KDM4B: variants seen among roughly 807,000 people sequenced by gnomAD.
KDM4B encodes lysine-specific demethylase 4B.
A neutral mutation model predicts 125.2 loss-of-function variants in KDM4B; 32 were observed. That is an observed-to-expected ratio of 0.26 (90% CI 0.19 to 0.34). The LOEUF (loss-of-function observed/expected upper bound fraction) is 0.34. Ranked by LOEUF, KDM4B falls within the 10% of genes least tolerant of loss-of-function variation. The probability of loss-of-function intolerance (pLI) is 1.00; values close to 1 mark genes in which losing one functional copy is unlikely to be tolerated. For synonymous variants in KDM4B, 721 were observed against 677.9 expected, an observed-to-expected ratio of 1.06 and a Z score of -0.99; for missense variants, 1,190 against 1,577.7, an observed-to-expected ratio of 0.75 and a Z score of 4.16.
At chr19:4,986,528 G>A (rs1233841849) in intron 1 of KDM4B, among the ~76,000 whole-genome samples, 1 of 152,192 alleles carries the variant, frequency 6.6e-6, no homozygotes, top group African/African-American at 2.4e-5. Flanking sequence ...CGGGCACAGA[G>A]GAGGGCTCGG....
intron 1 of KDM4B, among the ~76,000 whole-genome samples, chr19:5,006,367 T>C (rs1004159006): frequency 6.6e-6 from 1 of 152,106 alleles, no homozygotes; most frequent in African/African-American, 2.4e-5. Flanking sequence ...CTCCTCACTG[T>C]CCTTCCTGGC....
At chr19:5,058,046 C>T (rs2037465675) in intron 6 of KDM4B, among the ~76,000 whole-genome samples, 1 of 152,236 alleles carries the variant, frequency 6.6e-6, no homozygotes, top group African/African-American at 2.4e-5. Context: ...CTGCCCACAC[C>T]TCATTGGCCA....
In KDM4B at chr19:4,969,408, T is replaced by G. The variant is rs1217346809; in HGVS notation, c.-109+178T>G. On this transcript the variant is annotated intron_variant, in intron 1 of 22. Transcript: ENST00000159111. ...CGGGCCGGCGGGGCGGTTGGGGCGT[T>G]AACCGCCCGGCCCGGGGGCGCCCGC... is the stretch of plus-strand genomic sequence containing the variant. 2.1e-5 allele frequency among the ~76,000 whole-genome samples: 3 copies of G among 146,140 alleles called. No individual in the cohort carries two copies. The East Asian group carries it at 6.0e-4, about 29-fold the overall frequency.
intron 5 of KDM4B, among the ~76,000 whole-genome samples, chr19:5,045,657 T>C (rs2037002675): frequency 6.6e-6 from 1 of 152,158 alleles, no homozygotes; most frequent in African/African-American, 2.4e-5. Flanking sequence ...GAATTTTTAG[T>C]AGCGATGGGG....
At position 5,002,190 on chromosome 19, in the gene KDM4B, GT is replaced by G. The variant is rs1364335914; in HGVS notation, c.-108-14064del. 8.5e-5 allele frequency among the ~76,000 whole-genome samples: 13 copies of G among 152,154 alleles called. No individual in the cohort carries two copies. The East Asian group carries it at 1.5e-3, about 18-fold the overall frequency. On this transcript the variant is annotated intron_variant, in intron 1 of 22. Coordinates refer to ENST00000159111, the MANE Select transcript of KDM4B (RefSeq NM_015015.3). Reference sequence around the variant, plus strand: ...TTTTTATATTTTTAGTAGAGATAGGGTTTCGCCATGTTGGTCAGGCTGGTCT... The same window carrying G: ...TTTTTATATTTTTAGTAGAGATAGGGTTCGCCATGTTGGTCAGGCTGGTCT...
chr19:4,989,303 T>TTTTCTG (rs1364591844), intron 1 of KDM4B, among the ~76,000 whole-genome samples: 3 of 152,164 alleles, frequency 2.0e-5, no homozygotes, highest in Non-Finnish European at 2.9e-5. Context: ...TTCCTTTCTT[T>TTTTCTG]TTTCTGTTTC....
At chr19:5,073,728 T>C (rs1037459269) in intron 7 of KDM4B, among the ~76,000 whole-genome samples, 16 of 151,968 alleles carry the variant, frequency 1.1e-4, no homozygotes, top group African/African-American at 3.4e-4. Flanking sequence ...GCTGGTTTGG[T>C]TTCTAAGTGT....
chr19:4,988,428 A>T (rs1485444666), intron 1 of KDM4B, among the ~76,000 whole-genome samples: 5 of 152,046 alleles, frequency 3.3e-5, no homozygotes, highest in African/African-American at 1.2e-4. Context: ...GGTGCCCGCC[A>T]CCACGCCCGG....
chr19:5,121,970 A>G (rs2039369543), intron 11 of KDM4B, among the ~76,000 whole-genome samples: 1 of 152,096 alleles, frequency 6.6e-6, no homozygotes, highest in African/African-American at 2.4e-5. Flanking sequence ...GTGAGACCTC[A>G]GTCCCCTCCC....
At chr19:5,146,892 A>C (rs2039857475) in intron 21 of KDM4B, among the ~76,000 whole-genome samples, 2 of 137,370 alleles carry the variant, frequency 1.5e-5, no homozygotes, top group African/African-American at 2.8e-5. Flanking sequence ...AGTGAGCTGT[A>C]ATTGAGCCAC....
rs2038305178 is a variant in KDM4B at position 5,081,850 on chromosome 19, C to T, written c.781-517C>T. On this transcript the variant is annotated intron_variant, in intron 8 of 22. Transcript: ENST00000159111. The surrounding 1 kb of genome is among the most constrained non-coding windows in gnomAD (Gnocchi z 4.2). ...ATGCGAGGGCAGAAGGTGTCCTGAG[C>T]GCGTGCAGTGTCTTGTCTTCAGAGC... 6.6e-6 allele frequency among the ~76,000 whole-genome samples: 1 copy of T among 152,148 alleles called. No individual in the cohort carries two copies. The highest frequency in any genetic ancestry group is 1.5e-5 in the Non-Finnish European group (1 of 68,018).
At chr19:5,019,674 A>ATGTTGGTGTGCAGGTGTTGGTGTGGG (rs2036027601) in intron 2 of KDM4B, among the ~76,000 whole-genome samples, 1 of 107,758 alleles carries the variant, frequency 9.3e-6, no homozygotes, top group African/African-American at 3.7e-5. Flanking sequence ...GTTGGCGTGG[A>ATGTTGGTGTGCAGGTGTTGGTGTGGG]TGTTGGTGTG....
At chr19:5,119,927 C>A in intron 11 of KDM4B, 75 bp downstream of exon 11, 7 of 1,468,714 alleles carry the variant, frequency 4.8e-6, no homozygotes, top group Non-Finnish European at 6.3e-6. Context: ...GGAACCAGTG[C>A]CTGCTACAGC....
At chr19:5,058,894 G>A (rs1196660743) in intron 6 of KDM4B, among the ~76,000 whole-genome samples, 1 of 152,212 alleles carries the variant, frequency 6.6e-6, no homozygotes, top group Admixed American at 6.5e-5. Context: ...CCGGCATCCT[G>A]TCCCTGCCCA....
At chr19:4,970,505 C>A (rs1175222561) in intron 1 of KDM4B, among the ~76,000 whole-genome samples, 1 of 152,138 alleles carries the variant, frequency 6.6e-6, no homozygotes, top group Non-Finnish European at 1.5e-5. Context: ...TTCAAGGGAT[C>A]GGTGCCCTGC....
rs528339258 is a variant in KDM4B at position 4,997,511 on chromosome 19, T to A, written c.-108-18746T>A. On this transcript the variant is annotated intron_variant, in intron 1 of 22. Coordinates refer to ENST00000159111, the MANE Select transcript of KDM4B (RefSeq NM_015015.3). This position sits in a 1 kb window ranked among gnomAD's most constrained non-coding sequence, Gnocchi z 4.2. Reference sequence around the variant, plus strand: ...GCGTACCCAGTGGGTGGCGCTCAGGTCTGCAGCTGCCTCCTTGGCTCCCCG... The same window carrying A: ...GCGTACCCAGTGGGTGGCGCTCAGGACTGCAGCTGCCTCCTTGGCTCCCCG... 2.0e-5 allele frequency among the ~76,000 whole-genome samples: 3 copies of A among 152,200 alleles called. No individual in the cohort carries two copies. The highest frequency in any genetic ancestry group is 7.2e-5 in the African/African-American group (3 of 41,538).
intron 1 of KDM4B, among the ~76,000 whole-genome samples, chr19:4,987,050 CT>C (rs1326742460): frequency 6.6e-6 from 1 of 151,932 alleles, no homozygotes; most frequent in African/African-American, 2.4e-5. Flanking sequence ...CCTCTGCCTA[CT>C]GGGTTCAAGC....
chr19:5,147,259 A>G (rs754931007), intron 21 of KDM4B, among the ~76,000 whole-genome samples: 5 of 152,230 alleles, frequency 3.3e-5, no homozygotes, highest in Non-Finnish European at 7.3e-5. Flanking sequence ...ACAGAGCACA[A>G]CTGTGGTGGA....
intron 9 of KDM4B, among the ~76,000 whole-genome samples, chr19:5,106,612 C>T (rs1277974982): frequency 6.6e-6 from 1 of 152,212 alleles, no homozygotes; most frequent in East Asian, 1.9e-4. Context: ...GTGTCTCCTG[C>T]GTGCAGGAGC....
Sources: allele counts gnomAD v4.1 joint callset (sites outside exome capture counted in the v4.1 genomes callset), GRCh38; gene constraint gnomAD v4.1.1; non-coding constraint Gnocchi (gnomAD v3.1); transcripts MANE v1.5; gene names NCBI Gene and HGNC (gene_info 2026-07-23, HGNC 2026-07-21).